Variants in IL1RAP observed in about 807,000 individuals in gnomAD.
IL1RAP encodes the protein interleukin-1 receptor accessory protein.
IL1RAP carries 35 observed loss-of-function variants against 60.7 expected under a neutral mutation model. The ratio of observed to expected loss-of-function variants is 0.58; its 90% CI spans 0.44 to 0.76. The LOEUF (loss-of-function observed/expected upper bound fraction) is 0.76. Ranked by LOEUF, IL1RAP falls within the 30% of genes least tolerant of loss-of-function variation. The probability of loss-of-function intolerance (pLI) is 0.00; values close to 1 mark genes in which losing one functional copy is unlikely to be tolerated. For synonymous variants in IL1RAP, 268 were observed against 250.9 expected (o/e 1.07, Z -0.64); for missense variants, 572 against 693.9 (o/e 0.82, Z 1.97).
intron 8 of IL1RAP, among the ~76,000 whole-genome samples, chr3:190,628,919 C>G (rs1289461058): frequency 6.6e-6 from 1 of 152,140 alleles, no homozygotes; most frequent in Non-Finnish European, 1.5e-5. Context: ...TCCCTCTTTT[C>G]CAAAAGAGGA....
Position 190,650,722 on chromosome 3 carries a change from A to G in IL1RAP, c.*2017A>G. On this transcript the variant is annotated 3_prime_UTR_variant, in exon 12 of 12. Coordinates refer to ENST00000447382, the MANE Select transcript of IL1RAP (RefSeq NM_002182.4). ...CTTGGATCTACTTTTTTTTAGCCTT[A>G]TTAATATTTTTCCCTATTAGAAACC... The G allele has an allele frequency of 1.0e-6, 1 of 981,226 alleles. No homozygotes were observed. Among genetic ancestry groups the G allele is most frequent in the Non-Finnish European group, 1.2e-6 (1 of 826,148 alleles). 60.8% of individuals were successfully genotyped at this position (981,226 alleles called of 1,614,324 possible).
downstream of IL1RAP, among the ~76,000 whole-genome samples, chr3:190,652,049 G>C (rs1163024764): frequency 6.6e-6 from 1 of 152,054 alleles, no homozygotes; most frequent in African/African-American, 2.4e-5. Context: ...ATGATCATTT[G>C]AATCAAAGAT....
intron 3 of IL1RAP, among the ~76,000 whole-genome samples, chr3:190,600,436 G>A (rs1485468883): frequency 1.3e-5 from 2 of 151,964 alleles, no homozygotes; most frequent in African/African-American, 2.4e-5. Flanking sequence ...CCATATCTTC[G>A]GTTTTGAGAT....
chr3:190,602,868 A>T (rs1161675120), intron 3 of IL1RAP, among the ~76,000 whole-genome samples: 3 of 152,280 alleles, frequency 2.0e-5, no homozygotes, highest in Middle Eastern at 3.4e-3. Context: ...TGAGGAAAAA[A>T]CTACTTTAAG....
In IL1RAP at chr3:190,556,159, T is replaced by C. The variant is rs899901628; in HGVS notation, c.-59T>C. On this transcript the variant is annotated 5_prime_UTR_variant, in exon 2 of 12. Coordinates refer to ENST00000447382, the MANE Select transcript of IL1RAP (RefSeq NM_002182.4). ...CGTCATGTGATCATCACCTAAGAAC[T>C]AGAACATCAGCAGGCCCTAGAAGCC... 5.3e-5 allele frequency: 8 copies of C among 152,180 alleles called. No individual in the cohort carries two copies. The highest frequency in any genetic ancestry group is 7.3e-5 in the Non-Finnish European group (5 of 68,034). The allele number at this position is 152,180 out of a possible 1,614,324, so 9.4% of individuals were successfully genotyped here.
At chr3:190,529,788 AG>A (rs1722833229) in intron 1 of IL1RAP, among the ~76,000 whole-genome samples, 1 of 145,150 alleles carries the variant, frequency 6.9e-6, no homozygotes, top group Non-Finnish European at 1.5e-5. Context: ...CGGGAGGCGG[AG>A]GTTGCAGTGA....
At chr3:190,515,612 T>C (rs1560129475) in intron 1 of IL1RAP, among the ~76,000 whole-genome samples, 1 of 152,050 alleles carries the variant, frequency 6.6e-6, no homozygotes, top group Non-Finnish European at 1.5e-5. Flanking sequence ...TGATATGAAT[T>C]TCCTACTAGT....
At chr3:190,622,198 A>C (rs1440418257) in intron 6 of IL1RAP, among the ~76,000 whole-genome samples, 3 of 152,148 alleles carry the variant, frequency 2.0e-5, no homozygotes, top group African/African-American at 4.8e-5. Context: ...CATCTATCTC[A>C]TGTAAGCTTT....
At chr3:190,539,224 A>G (rs1411789690) in intron 1 of IL1RAP, among the ~76,000 whole-genome samples, 13 of 152,296 alleles carry the variant, frequency 8.5e-5, no homozygotes, top group African/African-American at 3.1e-4. Context: ...ATAGGACTAT[A>G]TCTGTGTATC....
At position 190,645,723 on chromosome 3, in the gene IL1RAP, T is replaced by A; in HGVS notation, c.1226T>A (p.Val409Glu). The A allele has an allele frequency of 2.5e-6, 4 of 1,612,374 alleles. No individual in the cohort carries two copies. Among genetic ancestry groups the A allele is most frequent in the Non-Finnish European group, 3.4e-6 (4 of 1,178,508 alleles). Residue 409 changes from valine (V) to glutamate (E), a missense_variant, in exon 11 of 12, where the codon GTA becomes GAA. Coordinates refer to ENST00000447382, the MANE Select transcript of IL1RAP (RefSeq NM_002182.4). ...ILDGKEYDIY[V>E]SYARNAEEEE... The stretch of plus-strand genomic sequence containing the variant: ...GATGGAAAAGAGTATGATATTTATG[T>A]ATCCTATGCAAGGAATGCGGAAGAA...
chr3:190,621,499 TA>T (rs1731776762), intron 6 of IL1RAP, among the ~76,000 whole-genome samples: 1 of 152,210 alleles, frequency 6.6e-6, no homozygotes, highest in Non-Finnish European at 1.5e-5. Flanking sequence ...CAGTTGTTTC[TA>T]ATATATGTGC....
intron 9 of IL1RAP, among the ~76,000 whole-genome samples, chr3:190,633,289 C>T (rs902113839): frequency 1.3e-5 from 2 of 152,076 alleles, no homozygotes; most frequent in Non-Finnish European, 2.9e-5. Context: ...TTTGAGTGTA[C>T]AGGCCTTGCA....
At chr3:190,565,667 G>A (rs951641517) in intron 3 of IL1RAP, among the ~76,000 whole-genome samples, 2 of 152,164 alleles carry the variant, frequency 1.3e-5, no homozygotes, top group African/African-American at 4.8e-5. Flanking sequence ...GCTGGGATGC[G>A]CTAGGAGACA....
At chr3:190,583,708 C>G (rs914613916) in intron 3 of IL1RAP, among the ~76,000 whole-genome samples, 4 of 152,058 alleles carry the variant, frequency 2.6e-5, no homozygotes, top group Non-Finnish European at 5.9e-5. Flanking sequence ...TCTATATATC[C>G]AGAGGTGTAG....
At chr3:190,540,257 C>T (rs1723816652) in intron 1 of IL1RAP, among the ~76,000 whole-genome samples, 1 of 151,992 alleles carries the variant, frequency 6.6e-6, no homozygotes, top group Non-Finnish European at 1.5e-5. Context: ...CTTCCGTCCT[C>T]TCTGCCTTCC....
chr3:190,518,248 G>GGA (rs1293209013), intron 1 of IL1RAP, among the ~76,000 whole-genome samples: 2 of 152,062 alleles, frequency 1.3e-5, no homozygotes, highest in Non-Finnish European at 2.9e-5. Context: ...TGATCTTTTG[G>GGA]CTCTGCAGCT....
At chr3:190,623,507 T>C in intron 7 of IL1RAP, 92 bp downstream of exon 7, 3 of 913,940 alleles carry the variant, frequency 3.3e-6, no homozygotes, top group Non-Finnish European at 5.3e-6. Flanking sequence ...AATAGACGAC[T>C]GTTGTAGAGA....
chr3:190,589,845 G>A (rs1268215425), intron 3 of IL1RAP, among the ~76,000 whole-genome samples: 1 of 152,202 alleles, frequency 6.6e-6, no homozygotes, highest in African/African-American at 2.4e-5. Flanking sequence ...CAATCATGCT[G>A]TTGAGTGGAA....
At chr3:190,547,938 G>A (rs1724525064) in intron 1 of IL1RAP, among the ~76,000 whole-genome samples, 1 of 152,152 alleles carries the variant, frequency 6.6e-6, no homozygotes, top group African/African-American at 2.4e-5. Flanking sequence ...ATGGAGTAAG[G>A]GGGGCCTCTC....
Sources: gnomAD v4.1 joint callset for allele counts (sites outside exome capture counted in the v4.1 genomes callset) on GRCh38, gnomAD v4.1.1 for gene constraint, MANE v1.5 for transcripts, NCBI Gene and HGNC (gene_info 2026-07-23, HGNC 2026-07-21) for gene names.